Variants in CFAP20DC observed in about 807,000 individuals in gnomAD.
CFAP20DC encodes the protein protein CFAP20DC.
CFAP20DC carries 84 observed loss-of-function variants against 101.7 expected under a neutral mutation model. The observed-to-expected ratio is 0.83, with a 90% CI of 0.69 to 0.99. The LOEUF (loss-of-function observed/expected upper bound fraction) is 0.99. Ranked by LOEUF, CFAP20DC falls within the 50% of genes least tolerant of loss-of-function variation. The probability of loss-of-function intolerance (pLI) is 0.00; values close to 1 mark genes in which losing one functional copy is unlikely to be tolerated. For synonymous variants in CFAP20DC, 359 were observed against 351.2 expected (o/e 1.02, Z -0.25); for missense variants, 1,007 against 970.3 (o/e 1.04, Z -0.50).
Position 59,015,284 on chromosome 3 carries a change from CA to C in CFAP20DC, c.278+24272del, listed in dbSNP as rs1262512953. On this transcript the variant is annotated intron_variant, in intron 4 of 16. Coordinates refer to ENST00000482387, the MANE Select transcript of CFAP20DC (RefSeq NM_001394063.1). The surrounding 1 kb of genome is among the most constrained non-coding windows in gnomAD (Gnocchi z 5.4). ...TTCTCTTCTTGAGTAAGTTTACTCC[CA>C]CAGGAGTAGAAGTGAGAGAAGGAAG... 3.3e-5 allele frequency among the ~76,000 whole-genome samples: 5 copies of C among 151,664 alleles called. No individual in the cohort carries two copies. The highest frequency in any genetic ancestry group is 7.4e-5 in the Non-Finnish European group (5 of 67,938).
intron 4 of CFAP20DC, among the ~76,000 whole-genome samples, chr3:58,989,604 G>A (rs537827382): frequency 1.3e-5 from 2 of 152,132 alleles, no homozygotes; most frequent in African/African-American, 4.8e-5. Context: ...CTATAAAAGT[G>A]AACTTATGAA....
At position 59,011,557 on chromosome 3, in the gene CFAP20DC, G is replaced by C. The variant is rs572411287; in HGVS notation, c.278+28000C>G. The stretch of plus-strand genomic sequence containing the variant: ...CCCAAACTCAGCGGAAGGAACTAGA[G>C]AAAGAAGAACAAATCAAACCCAAAC... On this transcript the variant is annotated intron_variant, in intron 4 of 16. Transcript: ENST00000482387. 2.0e-5 allele frequency among the ~76,000 whole-genome samples: 3 copies of C among 150,486 alleles called. No homozygotes were observed. The South Asian group carries it at 6.3e-4, about 32-fold the overall frequency.
chr3:58,967,634 T>C (rs2091662957), intron 4 of CFAP20DC, among the ~76,000 whole-genome samples: 1 of 152,194 alleles, frequency 6.6e-6, no homozygotes, highest in African/African-American at 2.4e-5. Flanking sequence ...GTACATAGAA[T>C]AGATTTAAAA....
chr3:58,992,249 T>C (rs2092964073), intron 4 of CFAP20DC, among the ~76,000 whole-genome samples: 1 of 152,174 alleles, frequency 6.6e-6, no homozygotes, highest in African/African-American at 2.4e-5. Context: ...TGCCTGCAAA[T>C]GTATTATTAC....
intron 5 of CFAP20DC, among the ~76,000 whole-genome samples, chr3:58,919,490 T>C (rs2085107047): frequency 1.3e-5 from 2 of 152,234 alleles, no homozygotes; most frequent in African/African-American, 2.4e-5. Context: ...TCTAGGTCTT[T>C]TGACTTTCCA....
chr3:59,003,765 T>G (rs1013294442), intron 4 of CFAP20DC, among the ~76,000 whole-genome samples: 1 of 152,206 alleles, frequency 6.6e-6, no homozygotes, highest in Non-Finnish European at 1.5e-5. Context: ...CCAGGAAAAG[T>G]TTGAAACTAA....
At chr3:58,992,675 A>AAATG in intron 4 of CFAP20DC, 1 of 420,154 alleles carries the variant, frequency 2.4e-6, no homozygotes, top group Non-Finnish European at 3.2e-6. Flanking sequence ...ATTTACATTT[A>AAATG]TAAATTTAGT....
chr3:58,924,064 C>T (rs1195363601), intron 5 of CFAP20DC, among the ~76,000 whole-genome samples: 1 of 151,726 alleles, frequency 6.6e-6, no homozygotes, highest in African/African-American at 2.4e-5. Context: ...TATTTTTTTT[C>T]AGTTCTAGAA....
At chr3:58,766,428 C>A (rs1339062463) in intron 15 of CFAP20DC, among the ~76,000 whole-genome samples, 1 of 152,206 alleles carries the variant, frequency 6.6e-6, no homozygotes. Flanking sequence ...TCCCCTTCCA[C>A]CACCAAGGTC....
At chr3:58,996,494 T>C (rs1324085131) in intron 4 of CFAP20DC, among the ~76,000 whole-genome samples, 1 of 152,218 alleles carries the variant, frequency 6.6e-6, no homozygotes, top group Non-Finnish European at 1.5e-5. Flanking sequence ...TACACACAAC[T>C]TGAAATCCAC....
intron 4 of CFAP20DC, among the ~76,000 whole-genome samples, chr3:58,965,127 C>G (rs1033952903): frequency 6.6e-6 from 1 of 152,156 alleles, no homozygotes; most frequent in Non-Finnish European, 1.5e-5. Context: ...GGCCCTGCAA[C>G]AACCATCCAG....
chr3:58,963,750 C>G (rs932424262), intron 4 of CFAP20DC, among the ~76,000 whole-genome samples: 5 of 151,990 alleles, frequency 3.3e-5, no homozygotes, highest in Admixed American at 2.6e-4. Flanking sequence ...TCATCCAAAT[C>G]CTATGTAAAC....
At chr3:58,766,299 T>C (rs2070306775) in intron 15 of CFAP20DC, among the ~76,000 whole-genome samples, 1 of 152,108 alleles carries the variant, frequency 6.6e-6, no homozygotes, top group Non-Finnish European at 1.5e-5. Context: ...ACAGGCTATA[T>C]AGTTCAATGA....
At chr3:58,855,191 C>G (rs1317242737) in intron 12 of CFAP20DC, among the ~76,000 whole-genome samples, 1 of 152,124 alleles carries the variant, frequency 6.6e-6, no homozygotes, top group Admixed American at 6.5e-5. Flanking sequence ...TGAACAGACA[C>G]TTCTCAAAAG....
chr3:58,867,969 A>C, intron 9 of CFAP20DC, 33 bp from the exon 10 acceptor site: 1 of 1,581,496 alleles, frequency 6.3e-7, no homozygotes, highest in Non-Finnish European at 8.6e-7. Context: ...AAAAGCCAGA[A>C]CAGAAAGTGC....
intron 13 of CFAP20DC, among the ~76,000 whole-genome samples, chr3:58,834,504 G>A (rs2076606325): frequency 6.6e-6 from 1 of 152,098 alleles, no homozygotes; most frequent in South Asian, 2.1e-4. Flanking sequence ...TAATCCACAA[G>A]GCTGTAGTGT....
chr3:58,778,045 C>T (rs973100492), intron 15 of CFAP20DC, among the ~76,000 whole-genome samples: 1 of 152,088 alleles, frequency 6.6e-6, no homozygotes, highest in African/African-American at 2.4e-5. Context: ...TTCATGTGTC[C>T]CAAGGACAAA....
Position 58,922,451 on chromosome 3 carries a change from T to G in CFAP20DC, c.394-8587A>C, listed in dbSNP as rs536123218. Among the ~76,000 whole-genome samples, 79 of 152,332 alleles carry G rather than the reference T, an allele frequency of 5.2e-4. 2 individuals are homozygous for G. Among genetic ancestry groups the G allele is most frequent in the South Asian group, 3.5e-3 (17 of 4,822 alleles). ...GGGCCTGGTGGGGGTGTTTGGGTCA[T>G]GGAGGCAGATCCCTCATGAATGGCT... On this transcript the variant is annotated intron_variant, in intron 5 of 16. Transcript: ENST00000482387.
At chr3:58,969,804 A>T (rs2091841286) in intron 4 of CFAP20DC, among the ~76,000 whole-genome samples, 1 of 152,200 alleles carries the variant, frequency 6.6e-6, no homozygotes, top group South Asian at 2.1e-4. Context: ...GTATGGTTCC[A>T]CTTACATGAA....
Sources: gnomAD v4.1 joint callset for allele counts (sites outside exome capture counted in the v4.1 genomes callset) on GRCh38, gnomAD v4.1.1 for gene constraint, Gnocchi (gnomAD v3.1) non-coding constraint, MANE v1.5 for transcripts, NCBI Gene and HGNC (gene_info 2026-07-23, HGNC 2026-07-21) for gene names.